Variants in MYO16 observed in about 807,000 individuals in gnomAD.
MYO16 encodes unconventional myosin-XVI.
Under a neutral mutation model 205.3 loss-of-function variants are expected in MYO16, and 94 were observed. The ratio of observed to expected loss-of-function variants is 0.46; its 90% CI spans 0.39 to 0.54. MYO16 has a LOEUF of 0.54. MYO16 is among the 20% of genes least tolerant of loss of function. The pLI is 0.00. For synonymous variants in MYO16, 988 were observed against 954.0 expected (o/e 1.04, Z -0.66); for missense variants, 2,315 against 2,387.5 (o/e 0.97, Z 0.63).
At chr13:108,788,902 G>A (rs1049726106) in intron 5 of MYO16, among the ~76,000 whole-genome samples, 9 of 151,982 alleles carry the variant, frequency 5.9e-5, no homozygotes, top group African/African-American at 9.7e-5. Context: ...GGTTTCCTTC[G>A]AATGCTTCCC....
chr13:108,896,937 A>G (rs991836021), intron 14 of MYO16, among the ~76,000 whole-genome samples: 1 of 152,128 alleles, frequency 6.6e-6, no homozygotes, highest in African/African-American at 2.4e-5. Flanking sequence ...ACACCACTGC[A>G]GTGAGCCGAG....
At chr13:108,749,441 A>T (rs149728) in intron 4 of MYO16, among the ~76,000 whole-genome samples, 151,506 of 152,314 alleles carry the variant, frequency 0.99, 75,358 homozygotes, top group Non-Finnish European at 1. Flanking sequence ...AACAACCCAA[A>T]TAAGAATGGG....
the MYO16 span, among the ~76,000 whole-genome samples, chr13:108,568,271 T>C: frequency 6.6e-6 from 1 of 152,162 alleles, no homozygotes; most frequent in Non-Finnish European, 1.5e-5. Context: ...TTTGAGAAGC[T>C]ATCAAACTTT....
chr13:108,631,763 A>G (rs1009960775), intron 1 of MYO16, among the ~76,000 whole-genome samples: 5 of 152,210 alleles, frequency 3.3e-5, no homozygotes, highest in Non-Finnish European at 5.9e-5. Flanking sequence ...ATCTTGAGCT[A>G]TATCTTGGAA....
intron 7 of MYO16, among the ~76,000 whole-genome samples, chr13:108,815,363 A>T (rs928278849): frequency 6.6e-6 from 1 of 152,172 alleles, no homozygotes; most frequent in Non-Finnish European, 1.5e-5. Flanking sequence ...ATTTTCCTGG[A>T]TTCTCTAGAT....
intron 20 of MYO16, 117 bp downstream of exon 20, chr13:108,965,019 T>A: frequency 9.4e-7 from 1 of 1,060,610 alleles, no homozygotes; most frequent in Non-Finnish European, 1.3e-6. Flanking sequence ...TTCATTAATA[T>A]ATTTTATTTT....
At chr13:109,002,071 T>C (rs1280773950) in intron 21 of MYO16, among the ~76,000 whole-genome samples, 2 of 152,198 alleles carry the variant, frequency 1.3e-5, no homozygotes. Flanking sequence ...TGTCTACCCA[T>C]TAGAATCACC....
intron 16 of MYO16, among the ~76,000 whole-genome samples, chr13:108,926,262 GCA>G (rs1435203608): frequency 6.6e-6 from 1 of 152,194 alleles, no homozygotes; most frequent in African/African-American, 2.4e-5. Flanking sequence ...GGAGTCTGTT[GCA>G]CAGAGTCGCA....
At chr13:108,501,292 T>C in the MYO16 span, among the ~76,000 whole-genome samples, 1 of 151,886 alleles carries the variant, frequency 6.6e-6, no homozygotes, top group Non-Finnish European at 1.5e-5. Flanking sequence ...GAGGCAAGAG[T>C]GCCTGGGGGA....
Position 109,055,194 on chromosome 13 carries a change from AC to A in MYO16, c.3129+69del. The A allele has an allele frequency of 7.4e-7, 1 of 1,345,378 alleles. No homozygotes were observed. The highest frequency in any genetic ancestry group is 1.0e-6 in the Non-Finnish European group (1 of 972,754). 83.3% of individuals were successfully genotyped at this position (1,345,378 alleles called of 1,614,324 possible). ...TAGCAACTAAAGAGGGTTTATGTAG[AC>A]TTTTTTTTCCATTTTTGACAACTTA... On this transcript the variant is annotated intron_variant, in intron 26 of 34. Transcript: ENST00000457511. This position sits in a 1 kb window ranked among gnomAD's most constrained non-coding sequence, Gnocchi z 5.0.
chr13:108,506,526 A>G, the MYO16 span, among the ~76,000 whole-genome samples: 1 of 146,118 alleles, frequency 6.8e-6, no homozygotes, highest in Non-Finnish European at 1.5e-5. Context: ...CTGCAACTTT[A>G]GTGATTTCAT....
rs114920510 is a variant in MYO16 at position 108,651,252 on chromosome 13, C to A, written c.29-14634C>A. On this transcript the variant is annotated intron_variant, in intron 1 of 34. Coordinates refer to ENST00000457511, the MANE Select transcript of MYO16 (RefSeq NM_001198950.3). Reference sequence around the variant, plus strand: ...GACTTTGGAGCTGTCTGTGGCACAACCTGCAGGGCATAGTACACTCTGTCA... The same window carrying A: ...GACTTTGGAGCTGTCTGTGGCACAAACTGCAGGGCATAGTACACTCTGTCA... Among the ~76,000 whole-genome samples the A allele has an allele frequency of 3.5e-3, 531 of 152,260 alleles. 4 individuals carry two copies. The highest frequency in any genetic ancestry group is 0.012 in the African/African-American group (507 of 41,564).
intron 34 of MYO16, among the ~76,000 whole-genome samples, chr13:109,196,351 T>C (rs1035855880): frequency 1.2e-4 from 18 of 152,208 alleles, no homozygotes; most frequent in African/African-American, 4.3e-4. Flanking sequence ...TTTCTAAGAA[T>C]TACCATTTCT....
chr13:108,992,090 A>G (rs376745634), intron 20 of MYO16, among the ~76,000 whole-genome samples: 2 of 152,222 alleles, frequency 1.3e-5, no homozygotes, highest in East Asian at 3.8e-4. Flanking sequence ...TGCATTGGAC[A>G]AAGGTCTAAT....
intron 4 of MYO16, among the ~76,000 whole-genome samples, chr13:108,774,482 G>A (rs1156643390): frequency 1.3e-5 from 2 of 152,022 alleles, no homozygotes; most frequent in Non-Finnish European, 2.9e-5. Context: ...AGTATTTGAG[G>A]GGTTGCATTG....
At chr13:108,562,215 C>T in the MYO16 span, among the ~76,000 whole-genome samples, 1 of 152,130 alleles carries the variant, frequency 6.6e-6, no homozygotes, top group Non-Finnish European at 1.5e-5. Context: ...TGTCATCTCA[C>T]ATGACAAATA....
At chr13:108,770,410 T>A (rs772397599) in intron 4 of MYO16, among the ~76,000 whole-genome samples, 1 of 152,194 alleles carries the variant, frequency 6.6e-6, no homozygotes, top group Admixed American at 6.5e-5. Context: ...AACTGGTAAC[T>A]TTTCTAAACT....
intron 34 of MYO16, among the ~76,000 whole-genome samples, chr13:109,182,901 A>G (rs901505327): frequency 6.6e-6 from 1 of 152,196 alleles, no homozygotes; most frequent in African/African-American, 2.4e-5. Context: ...AAGCTGGGAC[A>G]TTTGCTGCGC....
intron 30 of MYO16, among the ~76,000 whole-genome samples, chr13:109,126,071 G>A (rs572393414): frequency 6.6e-6 from 1 of 152,244 alleles, no homozygotes; most frequent in South Asian, 2.1e-4. Flanking sequence ...GGAGATGTTT[G>A]TTTTGCTATA....
Sources: gnomAD v4.1 joint callset for allele counts (sites outside exome capture counted in the v4.1 genomes callset) on GRCh38, gnomAD v4.1.1 for gene constraint, Gnocchi (gnomAD v3.1) non-coding constraint, MANE v1.5 for transcripts, NCBI Gene and HGNC (gene_info 2026-07-23, HGNC 2026-07-21) for gene names.